TSTD2: variants seen among roughly 807,000 people sequenced by gnomAD.
The protein encoded by TSTD2 is thiosulfate sulfurtransferase like domain containing 2, also known as thiosulfate sulfurtransferase/rhodanese-like domain-containing protein 2.
TSTD2 carries 37 observed loss-of-function variants against 47.9 expected under a neutral mutation model. The ratio of observed to expected loss-of-function variants is 0.77; its 90% CI spans 0.59 to 1.02. The LOEUF is 1.02. TSTD2 is among the 50% of genes least tolerant of loss of function. The pLI is 0.00. For synonymous variants in TSTD2, 201 were observed against 215.9 expected (o/e 0.93, Z 0.61); for missense variants, 586 against 616.0 (o/e 0.95, Z 0.52).
intron 6 of TSTD2, among the ~76,000 whole-genome samples, chr9:97,610,002 G>A (rs1390209578): frequency 6.6e-6 from 1 of 152,164 alleles, no homozygotes; most frequent in Non-Finnish European, 1.5e-5. Context: ...AAAGCAACTT[G>A]TTTCCTGTAG....
chr9:97,620,398 C>CT (rs1448658623), intron 3 of TSTD2, among the ~76,000 whole-genome samples: 8 of 152,154 alleles, frequency 5.3e-5, no homozygotes, highest in Admixed American at 1.3e-4. Flanking sequence ...TTGGGTATGT[C>CT]TTTATCAGCA....
chr9:97,616,302 AG>A (rs1044404718), intron 4 of TSTD2, among the ~76,000 whole-genome samples: 2 of 152,222 alleles, frequency 1.3e-5, no homozygotes, highest in Non-Finnish European at 2.9e-5. Flanking sequence ...CAACTCACGC[AG>A]GAACCTAAGG....
intron 6 of TSTD2, among the ~76,000 whole-genome samples, chr9:97,608,209 A>C (rs967587963): frequency 1.3e-5 from 2 of 152,134 alleles, no homozygotes; most frequent in Non-Finnish European, 2.9e-5. Flanking sequence ...GATGAAAAGC[A>C]TGGAAATGTG....
chr9:97,601,725 T>A lies in TSTD2; in HGVS notation c.*744A>T. ...GAATGGGTGTGGCTGTTCAATAAAC[T>A]ATACAGTTGACCCTTGAACAATATG... On this transcript the variant is annotated 3_prime_UTR_variant, in exon 10 of 10. Transcript: ENST00000341170. 3.4e-6 allele frequency: 1 copy of A among 290,210 alleles called. No homozygotes were observed. The highest frequency in any genetic ancestry group is 5.1e-6 in the Non-Finnish European group (1 of 194,190). The allele number at this position is 290,210 out of a possible 1,614,324, so 18.0% of individuals were successfully genotyped here.
chr9:97,609,084 A>G (rs1438468547), intron 6 of TSTD2, among the ~76,000 whole-genome samples: 2 of 152,230 alleles, frequency 1.3e-5, no homozygotes, highest in East Asian at 3.8e-4. Context: ...CACTTGTGCT[A>G]TAATAGGGGT....
intron 9 of TSTD2, chr9:97,603,051 A>G (rs1450497931): frequency 3.1e-6 from 1 of 318,084 alleles, no homozygotes; most frequent in Admixed American, 5.1e-5. Flanking sequence ...GATGGTAATG[A>G]AAGTTTCTCT....
intron 3 of TSTD2, among the ~76,000 whole-genome samples, chr9:97,619,092 T>C (rs1341330166): frequency 6.6e-6 from 1 of 152,242 alleles, no homozygotes; most frequent in Admixed American, 6.5e-5. Flanking sequence ...GCTTATACTA[T>C]CACCGTCCTA....
At chr9:97,605,346 G>A (rs1172845821) in intron 8 of TSTD2, 137 bp downstream of exon 8, 3 of 986,092 alleles carry the variant, frequency 3.0e-6, no homozygotes, top group Admixed American at 5.5e-5. Flanking sequence ...CCATGCTGGA[G>A]CCATACGAGG....
chr9:97,602,879 G>A, intron 9 of TSTD2, 112 bp from the exon 10 acceptor site: 1 of 1,123,640 alleles, frequency 8.9e-7, no homozygotes, highest in Non-Finnish European at 1.2e-6. Context: ...ACCCGGGGAA[G>A]GTTTCCAAAT....
chr9:97,608,641 G>T (rs563648116), intron 6 of TSTD2, among the ~76,000 whole-genome samples: 3 of 152,194 alleles, frequency 2.0e-5, no homozygotes, highest in East Asian at 3.9e-4. Flanking sequence ...CTCAAAAAAA[G>T]AAAAAGAGGT....
chr9:97,613,327 T>C (rs1358111659), intron 4 of TSTD2, among the ~76,000 whole-genome samples: 1 of 152,154 alleles, frequency 6.6e-6, no homozygotes, highest in Non-Finnish European at 1.5e-5. Context: ...AAGTTCCACA[T>C]GGGTGTGTGT....
At chr9:97,614,208 A>C (rs569909947) in intron 4 of TSTD2, among the ~76,000 whole-genome samples, 1 of 152,362 alleles carries the variant, frequency 6.6e-6, no homozygotes, top group East Asian at 1.9e-4. Context: ...GAAGTGGTAT[A>C]TAATTTTAAA....
chr9:97,605,745 T>C (rs1826355157), intron 7 of TSTD2, 104 bp from the exon 8 acceptor site: 1 of 1,421,740 alleles, frequency 7.0e-7, no homozygotes, highest in Non-Finnish European at 9.6e-7. Flanking sequence ...AAGAAGCCCC[T>C]GCCAGTTGCT....
intron 3 of TSTD2, among the ~76,000 whole-genome samples, chr9:97,624,860 G>A (rs1316337201): frequency 1.3e-5 from 2 of 152,022 alleles, no homozygotes; most frequent in Admixed American, 1.3e-4. Context: ...CCTAGTAAAT[G>A]ATGCATTTTT....
At chr9:97,619,264 TGGC>T (rs1826591951) in intron 3 of TSTD2, among the ~76,000 whole-genome samples, 1 of 152,226 alleles carries the variant, frequency 6.6e-6, no homozygotes, top group African/African-American at 2.4e-5. Context: ...AAAGGGAATG[TGGC>T]ACTGAGTAGT....
intron 6 of TSTD2, 63 bp downstream of exon 6, chr9:97,610,283 C>A (rs1195128490): frequency 6.9e-7 from 1 of 1,448,820 alleles, no homozygotes. Flanking sequence ...GCCTAGCTTT[C>A]TTATTTGTCT....
At chr9:97,604,606 T>A in intron 9 of TSTD2, 121 bp downstream of exon 9, 3 of 1,403,560 alleles carry the variant, frequency 2.1e-6, no homozygotes, top group Non-Finnish European at 2.9e-6. Flanking sequence ...GTACTTATTT[T>A]CCCTGCTTAT....
At chr9:97,632,866 C>T (rs113477036) in intron 1 of TSTD2, among the ~76,000 whole-genome samples, 7 of 152,180 alleles carry the variant, frequency 4.6e-5, no homozygotes, top group African/African-American at 1.7e-4. Flanking sequence ...TGGGTAAGAC[C>T]GAAGGAGAAT....
chr9:97,621,272 C>A (rs574670986), intron 3 of TSTD2, among the ~76,000 whole-genome samples: 1 of 152,308 alleles, frequency 6.6e-6, no homozygotes, highest in East Asian at 1.9e-4. Flanking sequence ...TGTCTTTAAT[C>A]TCTTAATCCC....
Sources: gnomAD v4.1 joint callset for allele counts (sites outside exome capture counted in the v4.1 genomes callset) on GRCh38, gnomAD v4.1.1 for gene constraint, MANE v1.5 for transcripts, NCBI Gene and HGNC (gene_info 2026-07-23, HGNC 2026-07-21) for gene names.